The following ATL1 variants were observed in gnomAD, a reference collection of about 807,000 sequenced individuals.
The protein encoded by ATL1 is atlastin-1.
A neutral mutation model predicts 75.5 loss-of-function variants in ATL1; 31 were observed. That is an observed-to-expected ratio of 0.41 (90% CI 0.31 to 0.55). The LOEUF (loss-of-function observed/expected upper bound fraction) is 0.55, where lower values mean the gene tolerates loss of function less well. Among genes scored for constraint, ATL1 ranks in the 20% least tolerant of loss-of-function variants. ATL1 has a pLI of 0.27. For synonymous variants in ATL1, 226 were observed against 233.3 expected (o/e 0.97, Z 0.28); for missense variants, 405 against 662.6 (o/e 0.61, Z 4.27).
intron 8 of ATL1, among the ~76,000 whole-genome samples, chr14:50,616,697 T>C (rs895591043): frequency 1.3e-5 from 2 of 152,160 alleles, no homozygotes; most frequent in Non-Finnish European, 2.9e-5. Context: ...CTATAAGTTA[T>C]GAGTTTACCA....
At chr14:50,592,680 G>C (rs1421970686) in intron 4 of ATL1, among the ~76,000 whole-genome samples, 2 of 151,906 alleles carry the variant, frequency 1.3e-5, no homozygotes, top group African/African-American at 4.8e-5. Context: ...GGGAGGCCGA[G>C]GCGGGCGGAT....
intron 5 of ATL1, among the ~76,000 whole-genome samples, chr14:50,595,280 A>G (rs2039203378): frequency 6.6e-6 from 1 of 152,026 alleles, no homozygotes; most frequent in Non-Finnish European, 1.5e-5. Flanking sequence ...TAGATATAAA[A>G]AGTGTTCATT....
At chr14:50,580,199 G>A (rs934169052) in intron 1 of ATL1, among the ~76,000 whole-genome samples, 1 of 152,084 alleles carries the variant, frequency 6.6e-6, no homozygotes, top group South Asian at 2.1e-4. Context: ...GGAAATTTGG[G>A]TTGTTCACAG....
intron 8 of ATL1, among the ~76,000 whole-genome samples, chr14:50,619,789 T>C (rs1464917710): frequency 1.3e-5 from 2 of 152,154 alleles, no homozygotes; most frequent in African/African-American, 4.8e-5. Context: ...AACTCTGCAG[T>C]CCAGTTACCA....
At chr14:50,626,450 A>C (rs1339943728) in intron 11 of ATL1, among the ~76,000 whole-genome samples, 1 of 152,226 alleles carries the variant, frequency 6.6e-6, no homozygotes, top group Non-Finnish European at 1.5e-5. Flanking sequence ...TGGTGCAAAC[A>C]GCAAGAGAAC....
chr14:50,543,607 A>C (rs147820197), intron 1 of ATL1, among the ~76,000 whole-genome samples: 132 of 152,294 alleles, frequency 8.7e-4, no homozygotes, highest in African/African-American at 2.9e-3. Context: ...GTTTGATAGG[A>C]TAGAGGAAAG....
chr14:50,558,645 T>A (rs946989114), upstream of ATL1, among the ~76,000 whole-genome samples: 3 of 152,208 alleles, frequency 2.0e-5, no homozygotes, highest in Non-Finnish European at 4.4e-5. Context: ...TTATATAAAT[T>A]TTTTCTTTTT....
chr14:50,630,577 G>A (rs2039570314), intron 13 of ATL1, among the ~76,000 whole-genome samples: 2 of 152,182 alleles, frequency 1.3e-5, no homozygotes, highest in Admixed American at 1.3e-4. Context: ...AGGCATCCAC[G>A]AAGGAATCAT....
chr14:50,591,144 G>A, intron 3 of ATL1, 69 bp downstream of exon 3: 1 of 1,494,322 alleles, frequency 6.7e-7, no homozygotes, highest in African/African-American at 1.4e-5. Flanking sequence ...TAGGATCCTT[G>A]AAGTTGCACT....
intron 4 of ATL1, among the ~76,000 whole-genome samples, chr14:50,592,946 A>ATATATG (rs71441294): frequency 3.4e-3 from 445 of 132,450 alleles, no homozygotes; most frequent in Non-Finnish European, 4.2e-3. Flanking sequence ...ATATATATAT[A>ATATATG]TGTGTGTGTG....
chr14:50,626,819 C>A (rs2039525264), intron 11 of ATL1, among the ~76,000 whole-genome samples: 1 of 152,092 alleles, frequency 6.6e-6, no homozygotes, highest in Non-Finnish European at 1.5e-5. Flanking sequence ...TTACAGTCAC[C>A]CTACTGAGCT....
At chr14:50,555,104 C>A (rs1447598517) in intron 1 of ATL1, among the ~76,000 whole-genome samples, 1 of 152,114 alleles carries the variant, frequency 6.6e-6, no homozygotes, top group African/African-American at 2.4e-5. Context: ...CTGGGTTGTA[C>A]CCTTAGAGAG....
chr14:50,544,787 A>G (rs900355873), intron 1 of ATL1, among the ~76,000 whole-genome samples: 7 of 151,922 alleles, frequency 4.6e-5, no homozygotes, highest in Non-Finnish European at 8.8e-5. Context: ...TTGGGAAAAA[A>G]TTAGCCAGGC....
chr14:50,593,729 T>C (rs547430521), intron 4 of ATL1, 117 bp from the exon 5 acceptor site: 1 of 665,182 alleles, frequency 1.5e-6, no homozygotes, highest in Admixed American at 2.3e-5. Context: ...CATGTAAGCA[T>C]GTACATAAGA....
chr14:50,560,334 G>C, intron 1 of ATL1, 35 bp downstream of exon 1: 1 of 1,610,238 alleles, frequency 6.2e-7, no homozygotes, highest in Non-Finnish European at 8.5e-7. Context: ...CAGCCTGCAC[G>C]GGGTCTTCTG....
rs540673119 is a variant in ATL1 at position 50,613,473 on chromosome 14, T to A, written c.723+122T>A. 31 of 738,280 alleles carry A rather than the reference T, an allele frequency of 4.2e-5. No homozygotes were observed. The South Asian group carries it at 4.7e-4, about 11-fold the overall frequency. 45.7% of individuals were successfully genotyped at this position (738,280 alleles called of 1,614,324 possible). A position where few individuals can be genotyped will look rare whatever the true frequency, so the allele number is the denominator to read the frequency against. The stretch of plus-strand genomic sequence containing the variant: ...CAATCTCATTTGTTATCGATATTAA[T>A]GACACAGGTGAAGAATTCTTTGTAT... On this transcript the variant is annotated intron_variant, in intron 7 of 13. Transcript: ENST00000358385.
At chr14:50,632,140 T>C in intron 13 of ATL1, 89 bp from the exon 14 acceptor site, 1 of 769,184 alleles carries the variant, frequency 1.3e-6, no homozygotes, top group Non-Finnish European at 2.1e-6. Flanking sequence ...ACATGCTAAA[T>C]TTTATACAGT....
In ATL1 at chr14:50,632,968, AG is replaced by A. The variant is rs1196387579; in HGVS notation, c.*630del. On this transcript the variant is annotated 3_prime_UTR_variant, in exon 14 of 14. Coordinates refer to ENST00000358385, the MANE Select transcript of ATL1 (RefSeq NM_015915.5). ...GTATATTTTTTCATTTGGTACACAA[AG>A]AATGTATTCTTCATAGGTTTATTCT... 1 of 152,334 alleles carries A rather than the reference AG, an allele frequency of 6.6e-6. No individual in the cohort carries two copies. The highest frequency in any genetic ancestry group is 1.5e-5 in the Non-Finnish European group (1 of 68,124). 9.4% of individuals were successfully genotyped at this position (152,334 alleles called of 1,614,324 possible).
intron 6 of ATL1, among the ~76,000 whole-genome samples, chr14:50,606,888 A>G (rs2039321289): frequency 6.6e-6 from 1 of 152,118 alleles, no homozygotes. Flanking sequence ...GTGTGCCCCC[A>G]AACCAAAAGT....
Sources: gnomAD v4.1 joint callset for allele counts (sites outside exome capture counted in the v4.1 genomes callset) on GRCh38, gnomAD v4.1.1 for gene constraint, MANE v1.5 for transcripts, NCBI Gene and HGNC (gene_info 2026-07-23, HGNC 2026-07-21) for gene names.